FHIT: variants seen among roughly 807,000 people sequenced by gnomAD.
FHIT encodes fragile histidine triad diadenosine triphosphatase, also known as bis(5'-adenosyl)-triphosphatase.
Under a neutral mutation model 17.9 loss-of-function variants are expected in FHIT, and 19 were observed. The observed-to-expected ratio is 1.06, with a 90% CI of 0.74 to 1.56. The LOEUF is 1.56. Among genes scored for constraint, FHIT ranks in the 40% most tolerant of loss-of-function variants. FHIT has a pLI of 0.00. For missense variants in FHIT, 248 were observed against 189.2 expected, an observed-to-expected ratio of 1.31 and a Z score of -1.82; for synonymous variants, 81 against 69.7, an observed-to-expected ratio of 1.16 and a Z score of -0.81.
chr3:60,109,190 G>A (rs1363787985), intron 5 of FHIT, among the ~76,000 whole-genome samples: 1 of 152,174 alleles, frequency 6.6e-6, no homozygotes, highest in Non-Finnish European at 1.5e-5. Context: ...TTTCAGCCAG[G>A]AAGTTTTTTC....
chr3:61,203,619 G>A (rs139220664), intron 1 of FHIT, among the ~76,000 whole-genome samples: 11 of 152,040 alleles, frequency 7.2e-5, no homozygotes. Flanking sequence ...TAAGTAATGG[G>A]TATTGATTAA....
At chr3:60,781,913 T>G (rs2108097198) in intron 4 of FHIT, among the ~76,000 whole-genome samples, 1 of 152,298 alleles carries the variant, frequency 6.6e-6, no homozygotes, top group East Asian at 1.9e-4. Flanking sequence ...GTATACAGTC[T>G]GGAATGATTA....
chr3:60,061,709 A>G (rs1314026732), intron 5 of FHIT, among the ~76,000 whole-genome samples: 1 of 152,234 alleles, frequency 6.6e-6, no homozygotes, highest in Non-Finnish European at 1.5e-5. Flanking sequence ...TGCTCAAAAC[A>G]TTAATTTTAA....
At chr3:60,551,632 C>G (rs1334892233) in intron 4 of FHIT, among the ~76,000 whole-genome samples, 1 of 132,578 alleles carries the variant, frequency 7.5e-6, no homozygotes, top group African/African-American at 2.9e-5. Context: ...TGGTGGCATG[C>G]ACCTATAGTC....
At chr3:60,419,967 T>C (rs1258223007) in intron 5 of FHIT, among the ~76,000 whole-genome samples, 1 of 152,158 alleles carries the variant, frequency 6.6e-6, no homozygotes, top group African/African-American at 2.4e-5. Flanking sequence ...ATAATCCCAC[T>C]ACAGATGTCA....
At chr3:60,206,148 TA>T (rs372022183) in intron 5 of FHIT, among the ~76,000 whole-genome samples, 23,886 of 123,508 alleles carry the variant, frequency 0.19, 2,299 homozygotes, top group East Asian at 0.25. Flanking sequence ...AAAAAAAAAA[TA>T]AATAATAATA....
intron 1 of FHIT, among the ~76,000 whole-genome samples, chr3:61,225,120 T>C (rs1463963856): frequency 6.6e-6 from 1 of 152,222 alleles, no homozygotes; most frequent in Non-Finnish European, 1.5e-5. Context: ...CAGTGGCATA[T>C]GACAGCATCC....
At chr3:60,249,075 G>A (rs1022814537) in intron 5 of FHIT, among the ~76,000 whole-genome samples, 2 of 151,988 alleles carry the variant, frequency 1.3e-5, no homozygotes, top group African/African-American at 4.8e-5. Flanking sequence ...TTCCTAATGA[G>A]GGCTCCATAA....
chr3:60,433,881 G>C (rs143456607), intron 5 of FHIT, among the ~76,000 whole-genome samples: 1 of 152,000 alleles, frequency 6.6e-6, no homozygotes, highest in Non-Finnish European at 1.5e-5. Flanking sequence ...TTTCCACTCT[G>C]TTGACTGTTT....
At chr3:60,081,654 C>G (rs1301899263) in intron 5 of FHIT, among the ~76,000 whole-genome samples, 1 of 152,082 alleles carries the variant, frequency 6.6e-6, no homozygotes, top group Non-Finnish European at 1.5e-5. Context: ...TAAATGTAGG[C>G]TCTTATTTAA....
At chr3:60,316,431 G>T (rs1709168859) in intron 5 of FHIT, among the ~76,000 whole-genome samples, 1 of 152,146 alleles carries the variant, frequency 6.6e-6, no homozygotes, top group South Asian at 2.1e-4. Flanking sequence ...GAAAATTAAA[G>T]CCTTAGAGCC....
intron 5 of FHIT, among the ~76,000 whole-genome samples, chr3:60,416,706 A>G (rs962978810): frequency 1.3e-5 from 2 of 152,186 alleles, no homozygotes; most frequent in African/African-American, 4.8e-5. Flanking sequence ...CTTAGCAGCT[A>G]GCTGTAGTTA....
chr3:59,763,150 G>A (rs1056444890), intron 8 of FHIT, among the ~76,000 whole-genome samples: 3 of 152,140 alleles, frequency 2.0e-5, no homozygotes, highest in African/African-American at 7.2e-5. Context: ...AGAGGCATAG[G>A]GCCAATTTCT....
intron 4 of FHIT, among the ~76,000 whole-genome samples, chr3:60,606,983 GA>G (rs1208897852): frequency 2.0e-5 from 3 of 152,024 alleles, no homozygotes; most frequent in Non-Finnish European, 4.4e-5. Context: ...CCATTAATGG[GA>G]ATATTACTAC....
At chr3:60,485,041 CAT>C (rs1281608112) in intron 5 of FHIT, among the ~76,000 whole-genome samples, 1 of 152,040 alleles carries the variant, frequency 6.6e-6, no homozygotes, top group African/African-American at 2.4e-5. Context: ...AACCAACAAA[CAT>C]ATGAAAAAAA....
At chr3:61,230,851 A>T (rs2040082015) in intron 1 of FHIT, among the ~76,000 whole-genome samples, 1 of 152,226 alleles carries the variant, frequency 6.6e-6, no homozygotes. Flanking sequence ...TGGAACTGGT[A>T]TATCACAGAA....
At chr3:60,487,376 T>C (rs2033887348) in intron 5 of FHIT, among the ~76,000 whole-genome samples, 1 of 152,158 alleles carries the variant, frequency 6.6e-6, no homozygotes, top group Admixed American at 6.5e-5. Flanking sequence ...TCTTCTTAAG[T>C]GTGATTACTG....
intron 3 of FHIT, among the ~76,000 whole-genome samples, chr3:60,971,253 C>T (rs1559876972): frequency 1.3e-5 from 2 of 152,000 alleles, no homozygotes; most frequent in Non-Finnish European, 2.9e-5. Context: ...GCCTGTAGTC[C>T]CAGCTACTCA....
intron 5 of FHIT, among the ~76,000 whole-genome samples, chr3:60,222,667 T>C (rs1346568494): frequency 6.6e-6 from 1 of 152,152 alleles, no homozygotes; most frequent in East Asian, 1.9e-4. Context: ...TTATTTTAAA[T>C]AACATTTCCT....
Sources: gnomAD v4.1 joint callset for allele counts (sites outside exome capture counted in the v4.1 genomes callset) on GRCh38, gnomAD v4.1.1 for gene constraint, MANE v1.5 for transcripts, NCBI Gene and HGNC (gene_info 2026-07-23, HGNC 2026-07-21) for gene names.